Variants in TRPM3 observed in about 807,000 individuals in gnomAD.
TRPM3 encodes the protein transient receptor potential cation channel subfamily M member 3, also known as long transient receptor potential channel 3.
A neutral mutation model predicts 181.2 loss-of-function variants in TRPM3; 77 were observed. That is an observed-to-expected ratio of 0.42 (90% confidence interval 0.35 to 0.51). The LOEUF (loss-of-function observed/expected upper bound fraction) is 0.51. TRPM3 is among the 20% of genes least tolerant of loss of function. The pLI is 0.01. For missense variants in TRPM3, 1,759 were observed against 2,196.7 expected, an observed-to-expected ratio of 0.80 and a Z score of 3.98; for synonymous variants, 745 against 796.4, an observed-to-expected ratio of 0.94 and a Z score of 1.09.
intron 1 of TRPM3, among the ~76,000 whole-genome samples, chr9:71,063,165 T>A (rs986432999): frequency 3.3e-5 from 5 of 152,148 alleles, no homozygotes; most frequent in Middle Eastern, 3.4e-3. Flanking sequence ...CAGGTCTTGA[T>A]TCATGTCTAT....
intron 1 of TRPM3, among the ~76,000 whole-genome samples, chr9:70,877,942 C>T (rs1226161268): frequency 1.3e-5 from 2 of 151,846 alleles, no homozygotes; most frequent in Non-Finnish European, 2.9e-5. Context: ...TAGTTGGATC[C>T]CCAAATAATA....
chr9:70,539,791 C>G (rs1340997297), intron 25 of TRPM3, among the ~76,000 whole-genome samples: 1 of 152,094 alleles, frequency 6.6e-6, no homozygotes, highest in Admixed American at 6.6e-5. Context: ...TTTGATTTTG[C>G]AAGTACTGTA....
At chr9:71,187,726 T>C (rs2077757864) in intron 1 of TRPM3, among the ~76,000 whole-genome samples, 1 of 151,998 alleles carries the variant, frequency 6.6e-6, no homozygotes, top group Non-Finnish European at 1.5e-5. Flanking sequence ...TGTTTCCCCA[T>C]TACCAAAAGC....
intron 3 of TRPM3, among the ~76,000 whole-genome samples, chr9:70,851,516 G>A (rs1326423651): frequency 1.3e-5 from 2 of 152,170 alleles, no homozygotes; most frequent in African/African-American, 2.4e-5. Flanking sequence ...CAATATAACA[G>A]TAAGAAATGA....
intron 1 of TRPM3, among the ~76,000 whole-genome samples, chr9:71,282,281 A>G (rs1399329214): frequency 3.4e-5 from 2 of 58,776 alleles, no homozygotes; most frequent in Admixed American, 1.6e-4. Flanking sequence ...AGAAAGAAAG[A>G]AAAGAAAGAA....
At chr9:70,620,392 C>A in intron 15 of TRPM3, 27 bp from the exon 16 acceptor site, 2 of 1,584,206 alleles carry the variant, frequency 1.3e-6, no homozygotes, top group South Asian at 1.2e-5. Context: ...ACCACACAGA[C>A]TGAGTTAGAA....
chr9:71,277,332 G>A lies in TRPM3; in HGVS notation c.183+169321C>T, dbSNP rs75176874. Among the ~76,000 whole-genome samples the A allele has an allele frequency of 5.0e-3, 761 of 152,198 alleles. 8 individuals carry two copies. Among genetic ancestry groups the A allele is most frequent in the Non-Finnish European group, 5.5e-3 (372 of 67,988 alleles). On this transcript the variant is annotated intron_variant, in intron 1 of 24. Coordinates refer to the TRPM3 transcript ENST00000357533. ...ATTTGTTTTCCTGAGTAACGTGTACGTAGTTCTGCATTTCATCATTATTCT... is the reference window on the plus strand; with the variant it reads ...ATTTGTTTTCCTGAGTAACGTGTACATAGTTCTGCATTTCATCATTATTCT...
chr9:70,901,699 G>A (rs533550486), intron 1 of TRPM3, among the ~76,000 whole-genome samples: 3 of 152,132 alleles, frequency 2.0e-5, no homozygotes, highest in Admixed American at 6.6e-5. Context: ...AAGATCAATT[G>A]ACTTTGAAAA....
chr9:70,648,521 C>T (rs1428776450), intron 9 of TRPM3, among the ~76,000 whole-genome samples: 1 of 151,910 alleles, frequency 6.6e-6, no homozygotes, highest in African/African-American at 2.4e-5. Flanking sequence ...CAAAAAGAGC[C>T]TGAATAGCCA....
At chr9:70,790,292 G>A (rs987382813) in intron 6 of TRPM3, among the ~76,000 whole-genome samples, 9 of 152,134 alleles carry the variant, frequency 5.9e-5, no homozygotes, top group South Asian at 2.1e-4. Flanking sequence ...ATAGGCCACA[G>A]ATCATGATTA....
At chr9:71,181,160 G>A (rs1000714815) in intron 1 of TRPM3, among the ~76,000 whole-genome samples, 2 of 151,990 alleles carry the variant, frequency 1.3e-5, no homozygotes, top group Non-Finnish European at 2.9e-5. Context: ...TGCTCTTCCT[G>A]AGAACAAAGG....
At chr9:71,074,349 T>C (rs558329599) in intron 1 of TRPM3, among the ~76,000 whole-genome samples, 3 of 152,284 alleles carry the variant, frequency 2.0e-5, no homozygotes, top group Admixed American at 2.0e-4. Context: ...ATCTAATATT[T>C]ATTTTATGTT....
At chr9:71,209,077 G>A (rs1282089429) in intron 1 of TRPM3, among the ~76,000 whole-genome samples, 1 of 152,060 alleles carries the variant, frequency 6.6e-6, no homozygotes, top group Non-Finnish European at 1.5e-5. Flanking sequence ...GCTAGAAATG[G>A]AATTCTGGCC....
intron 1 of TRPM3, among the ~76,000 whole-genome samples, chr9:71,356,527 T>C (rs993210824): frequency 1.3e-5 from 2 of 152,100 alleles, no homozygotes; most frequent in Non-Finnish European, 2.9e-5. Flanking sequence ...CTTTCTGTCT[T>C]TATGAGGCAC....
At chr9:71,050,113 T>C (rs1045789867) in intron 1 of TRPM3, among the ~76,000 whole-genome samples, 17 of 152,278 alleles carry the variant, frequency 1.1e-4, no homozygotes, top group Admixed American at 8.5e-4. Flanking sequence ...AAAAGCCTTA[T>C]TGTCTTCTAT....
chr9:71,397,046 T>A (rs2132994667), intron 1 of TRPM3, among the ~76,000 whole-genome samples: 1 of 152,194 alleles, frequency 6.6e-6, no homozygotes, highest in South Asian at 2.1e-4. Context: ...AATGTTCATA[T>A]ATACACATTT....
At chr9:71,115,775 C>CA (rs758213082) in intron 1 of TRPM3, among the ~76,000 whole-genome samples, 1 of 152,076 alleles carries the variant, frequency 6.6e-6, no homozygotes, top group Non-Finnish European at 1.5e-5. Context: ...CTTGCCTCCA[C>CA]AAAAAAGGTC....
At chr9:71,300,817 A>G (rs904812643) in intron 1 of TRPM3, among the ~76,000 whole-genome samples, 1 of 152,140 alleles carries the variant, frequency 6.6e-6, no homozygotes, top group African/African-American at 2.4e-5. Context: ...TCTAAAGCCA[A>G]TAATCAGATG....
intron 1 of TRPM3, among the ~76,000 whole-genome samples, chr9:71,081,582 G>A (rs1392639660): frequency 6.6e-6 from 1 of 152,088 alleles, no homozygotes; most frequent in Non-Finnish European, 1.5e-5. Flanking sequence ...AATCCTTTAT[G>A]GAAGATTTTT....
Sources: gnomAD v4.1 joint callset for allele counts (sites outside exome capture counted in the v4.1 genomes callset) on GRCh38, gnomAD v4.1.1 for gene constraint, MANE v1.5 for transcripts, NCBI Gene and HGNC (gene_info 2026-07-23, HGNC 2026-07-21) for gene names.